GPBP1L1: variants seen among roughly 807,000 people sequenced by gnomAD.
The protein encoded by GPBP1L1 is GC-rich promoter binding protein 1 like 1.
A neutral mutation model predicts 52.5 loss-of-function variants in GPBP1L1; 23 were observed. That is an observed-to-expected ratio of 0.44 (90% CI 0.32 to 0.62). GPBP1L1 has a LOEUF of 0.62. GPBP1L1 is among the 20% of genes least tolerant of loss of function. The pLI, the probability that GPBP1L1 is intolerant of heterozygous loss-of-function variation, is 0.06. For missense variants in GPBP1L1, 596 were observed against 579.3 expected (o/e 1.03, Z -0.30); for synonymous variants, 243 against 203.1 (o/e 1.20, Z -1.67).
intron 10 of GPBP1L1, 42 bp downstream of exon 10, chr1:45,633,447 G>A (rs188382840): frequency 1.9e-6 from 3 of 1,601,676 alleles, no homozygotes; most frequent in Admixed American, 1.7e-5. Flanking sequence ...TGTATCAAAG[G>A]AAAATTCCTA....
At chr1:45,683,793 G>A (rs1012577467) in intron 2 of GPBP1L1, among the ~76,000 whole-genome samples, 5 of 148,150 alleles carry the variant, frequency 3.4e-5, no homozygotes, top group Non-Finnish European at 5.9e-5. Context: ...GCGGTGGCAC[G>A]CACCTGTCGT....
In GPBP1L1 at chr1:45,630,502, G is replaced by A; in HGVS notation, c.1149C>T (p.His383=). The change falls in exon 11 of 13, where the codon CAC becomes CAT. Residue 383 remains histidine (H), a synonymous_variant. Transcript: ENST00000355105. ...CTTACCTGTGCTCTGCTTCTAGAGA[G>A]TGTGAGAGAACCTCCCCTTCTTCCA... ...PVVEEGEVLS[H]SLEAEHRLLK... 6.2e-7 allele frequency: 1 copy of A among 1,613,942 alleles called. No homozygotes were observed. Among genetic ancestry groups the A allele is most frequent in the Non-Finnish European group, 8.5e-7 (1 of 1,179,840 alleles).
chr1:45,629,065 C>A (rs987939456), intron 12 of GPBP1L1, among the ~76,000 whole-genome samples: 1 of 152,182 alleles, frequency 6.6e-6, no homozygotes, highest in Non-Finnish European at 1.5e-5. Context: ...ATACAGGCCA[C>A]CAGAAGTTCA....
intron 4 of GPBP1L1, among the ~76,000 whole-genome samples, chr1:45,656,540 C>T (rs1347599751): frequency 6.6e-6 from 1 of 152,140 alleles, no homozygotes; most frequent in Non-Finnish European, 1.5e-5. Context: ...GAAGCAAAGG[C>T]TGAGGTTCTT....
At chr1:45,665,517 G>A (rs773486548) in intron 2 of GPBP1L1, among the ~76,000 whole-genome samples, 5 of 152,066 alleles carry the variant, frequency 3.3e-5, no homozygotes, top group Admixed American at 6.5e-5. Context: ...TTGAGAGTCT[G>A]AGGCAGGCGG....
intron 6 of GPBP1L1, among the ~76,000 whole-genome samples, chr1:45,653,773 A>G (rs1644849635): frequency 6.8e-6 from 1 of 147,138 alleles, no homozygotes; most frequent in Non-Finnish European, 1.5e-5. Context: ...ATCTCAGCCC[A>G]CTGCAACCTC....
At chr1:45,650,903 A>G (rs1644811324) in intron 6 of GPBP1L1, 1 of 289,574 alleles carries the variant, frequency 3.5e-6, no homozygotes. Flanking sequence ...TTCTCCAACC[A>G]ATTCTGCTCC....
At chr1:45,633,441 T>C (rs779256303) in intron 10 of GPBP1L1, 48 bp downstream of exon 10, 1 of 1,595,032 alleles carries the variant, frequency 6.3e-7, no homozygotes, top group Admixed American at 1.7e-5. Flanking sequence ...CACGTATGTA[T>C]CAAAGGAAAA....
At chr1:45,683,057 G>GTT (rs35542665) in intron 2 of GPBP1L1, among the ~76,000 whole-genome samples, 3 of 145,252 alleles carry the variant, frequency 2.1e-5, no homozygotes, top group African/African-American at 2.5e-5. Context: ...TTTCCCATTA[G>GTT]TTTTTTTTTT....
At chr1:45,636,023 T>C (rs1050408909) in intron 8 of GPBP1L1, among the ~76,000 whole-genome samples, 3 of 152,208 alleles carry the variant, frequency 2.0e-5, no homozygotes, top group Non-Finnish European at 4.4e-5. Context: ...ATACATTATC[T>C]TTCACTCGTT....
intron 10 of GPBP1L1, among the ~76,000 whole-genome samples, chr1:45,632,537 G>A (rs919003786): frequency 2.2e-4 from 34 of 152,098 alleles, no homozygotes; most frequent in African/African-American, 7.7e-4. Flanking sequence ...CCAACATGAC[G>A]AAACTCCATC....
At chr1:45,658,994 T>G in intron 4 of GPBP1L1, 34 bp downstream of exon 4, 1 of 1,420,600 alleles carries the variant, frequency 7.0e-7, no homozygotes, top group Non-Finnish European at 1.0e-6. Context: ...CCCTCTCATA[T>G]TTGAGAAGTT....
chr1:45,687,970 G>T (rs1352533645), upstream of GPBP1L1: 2 of 152,160 alleles, frequency 1.3e-5, no homozygotes, highest in Admixed American at 6.6e-5. Flanking sequence ...TTCAGTACTT[G>T]CACTCTACTT....
chr1:45,674,552 A>AT (rs1380765695), intron 2 of GPBP1L1, among the ~76,000 whole-genome samples: 1 of 152,216 alleles, frequency 6.6e-6, no homozygotes, highest in Non-Finnish European at 1.5e-5. Context: ...ACTTTACAAT[A>AT]TTGTGAGGTG....
chr1:45,675,947 CT>C (rs1553184567), intron 2 of GPBP1L1, among the ~76,000 whole-genome samples: 2 of 152,188 alleles, frequency 1.3e-5, no homozygotes, highest in Non-Finnish European at 2.9e-5. Context: ...CCTAATATTT[CT>C]TTTCAAAATC....
chr1:45,628,698 C>T (rs1270907835), intron 12 of GPBP1L1, among the ~76,000 whole-genome samples: 2 of 152,024 alleles, frequency 1.3e-5, no homozygotes, highest in African/African-American at 4.8e-5. Flanking sequence ...GAATCTCGCT[C>T]TGTCACCCAG....
chr1:45,683,429 T>A (rs1645236657), intron 2 of GPBP1L1, among the ~76,000 whole-genome samples: 1 of 150,836 alleles, frequency 6.6e-6, no homozygotes, highest in Non-Finnish European at 1.5e-5. Flanking sequence ...ATGGTCTCCA[T>A]CTCCTGACCT....
At chr1:45,646,278 G>A (rs573237867) in intron 6 of GPBP1L1, 43 of 193,340 alleles carry the variant, frequency 2.2e-4, no homozygotes, top group African/African-American at 8.8e-4. Flanking sequence ...CTTTATAACT[G>A]AACATTAGCT....
intron 2 of GPBP1L1, among the ~76,000 whole-genome samples, chr1:45,669,774 A>G (rs977361323): frequency 6.6e-6 from 1 of 152,214 alleles, no homozygotes; most frequent in African/African-American, 2.4e-5. Flanking sequence ...ATGGATTGTG[A>G]AGTGACTTTT....
Sources: allele counts gnomAD v4.1 joint callset (sites outside exome capture counted in the v4.1 genomes callset), GRCh38; gene constraint gnomAD v4.1.1; transcripts MANE v1.5; gene names NCBI Gene and HGNC (gene_info 2026-07-23, HGNC 2026-07-21).